KIF1B: variants seen among roughly 807,000 people sequenced by gnomAD.
The protein encoded by KIF1B is kinesin family member 1B, also known as kinesin-like protein KIF1B.
A neutral mutation model predicts 241.9 loss-of-function variants in KIF1B; 76 were observed. That is an observed-to-expected ratio of 0.31 (90% CI 0.26 to 0.38). The LOEUF is 0.38. KIF1B is among the 10% of genes least tolerant of loss of function. The pLI, the probability that KIF1B is intolerant of heterozygous loss-of-function variation, is 1.00. For synonymous variants in KIF1B, 750 were observed against 796.7 expected (o/e 0.94, Z 0.99); for missense variants, 1,622 against 2,271.4 (o/e 0.71, Z 5.81).
intron 12 of KIF1B, among the ~76,000 whole-genome samples, chr1:10,276,910 A>G (rs1383343319): frequency 7.2e-5 from 11 of 152,002 alleles, no homozygotes; most frequent in South Asian, 2.1e-4. Flanking sequence ...ATGAAACCCC[A>G]TCTCTACTAA....
chr1:10,361,972 G>T, intron 40 of KIF1B, 147 bp downstream of exon 40: 4 of 871,180 alleles, frequency 4.6e-6, no homozygotes, highest in Non-Finnish European at 5.7e-6. Context: ...GTACTGACTT[G>T]CATGCTGACA....
intron 45 of KIF1B, among the ~76,000 whole-genome samples, chr1:10,371,810 G>C (rs1638740298): frequency 6.6e-6 from 1 of 152,168 alleles, no homozygotes; most frequent in East Asian, 1.9e-4. Flanking sequence ...GTCTGTGCCT[G>C]TGGTCCCAGC....
intron 22 of KIF1B, chr1:10,304,957 G>C: frequency 8.9e-7 from 1 of 1,121,070 alleles, no homozygotes; most frequent in Non-Finnish European, 1.1e-6. Context: ...ATGTAAGTTT[G>C]TTATGTTTTT....
intron 22 of KIF1B, chr1:10,306,866 T>A: frequency 2.9e-6 from 3 of 1,039,852 alleles, no homozygotes; most frequent in Non-Finnish European, 3.5e-6. Context: ...TAACATAGGG[T>A]AGGTCCATAT....
intron 1 of KIF1B, among the ~76,000 whole-genome samples, chr1:10,221,128 C>T (rs1310495444): frequency 7.5e-5 from 9 of 120,038 alleles, no homozygotes; most frequent in African/African-American, 2.7e-4. Flanking sequence ...CATGGAGTCT[C>T]GCTCTGTCAC....
Position 10,304,264 on chromosome 1 carries a change from A to G in KIF1B, c.2115+7018A>G, listed in dbSNP as rs757799171. 5.0e-6 allele frequency: 8 copies of G among 1,614,108 alleles called. No individual in the cohort carries two copies. The Admixed American group carries it at 1.3e-4, about 27-fold the overall frequency. Reference sequence around the variant, plus strand: ...TCCATGGGGCTCTCAAGGAATGAGAAGTCAAGATCACATCCAAGTTAGCAA... The same window carrying G: ...TCCATGGGGCTCTCAAGGAATGAGAGGTCAAGATCACATCCAAGTTAGCAA... On this transcript the variant is annotated intron_variant, in intron 22 of 48. Transcript: ENST00000676179.
Position 10,377,526 on chromosome 1 carries a change from G to A in KIF1B, c.*939G>A, listed in dbSNP as rs1638920288. The A allele has an allele frequency of 8.8e-6, 2 of 226,724 alleles. No individual in the cohort carries two copies. Among genetic ancestry groups the A allele is most frequent in the Non-Finnish European group, 1.8e-5 (2 of 114,092 alleles). The allele number at this position is 226,724 out of a possible 1,614,324, so 14.0% of individuals were successfully genotyped here. A position where few individuals can be genotyped will look rare whatever the true frequency, so the allele number is the denominator to read the frequency against. On this transcript the variant is annotated 3_prime_UTR_variant, in exon 49 of 49. Transcript: ENST00000676179. ...CTAGGAGTGTCTCAGTTCTGCTTTT[G>A]GCATTAGTGATGGTGGTGGTACAGT...
intron 13 of KIF1B, chr1:10,278,755 C>A (rs570032328): frequency 8.1e-6 from 2 of 246,436 alleles, no homozygotes; most frequent in African/African-American, 4.5e-5. Flanking sequence ...TGTGCCTATC[C>A]AGTGGCTTAT....
At chr1:10,253,802 G>A (rs1407641927) in intron 2 of KIF1B, among the ~76,000 whole-genome samples, 1 of 152,176 alleles carries the variant, frequency 6.6e-6, no homozygotes, top group African/African-American at 2.4e-5. Context: ...GTTCCTTCTA[G>A]AACCATGTCT....
At chr1:10,227,964 C>T (rs899184833) in intron 1 of KIF1B, among the ~76,000 whole-genome samples, 35 of 151,964 alleles carry the variant, frequency 2.3e-4, no homozygotes, top group Middle Eastern at 3.2e-3. Context: ...GTGGGCGGAT[C>T]ATATGAGGTC....
intron 2 of KIF1B, among the ~76,000 whole-genome samples, chr1:10,235,690 G>T (rs1448180495): frequency 6.6e-6 from 1 of 151,776 alleles, no homozygotes; most frequent in Non-Finnish European, 1.5e-5. Context: ...ATGAAACCTC[G>T]TCTCTACTAA....
chr1:10,224,621 A>G (rs1646887790), intron 1 of KIF1B, among the ~76,000 whole-genome samples: 1 of 151,442 alleles, frequency 6.6e-6, no homozygotes. Flanking sequence ...AGAGTGTCTG[A>G]ATATGTTGCC....
In KIF1B at chr1:10,326,310, G is replaced by A. The variant is rs764910038; in HGVS notation, c.2875G>A (p.Gly959Arg). Residue 959 changes from glycine to arginine, a missense_variant, in exon 27 of 49, where the codon GGG becomes AGG. Coordinates refer to ENST00000676179, the MANE Select transcript of KIF1B (RefSeq NM_001365951.3). This position sits in a 1 kb window ranked among gnomAD's most constrained non-coding sequence, Gnocchi z 5.2. ...GGAGGGATCAGATCTCTTCAGTGAC[G>A]GGCATGACCCGTTTTACGACCGATC... ...TEEGSDLFSDGHDPFYDRSPW... is the reference protein window; with the variant it reads ...TEEGSDLFSDRHDPFYDRSPW... The A allele has an allele frequency of 2.5e-6, 4 of 1,614,132 alleles. No individual in the cohort carries two copies. Among genetic ancestry groups the A allele is most frequent in the East Asian group, 2.2e-5 (1 of 44,844 alleles).
At position 10,327,746 on chromosome 1, in the gene KIF1B, T is replaced by C. The variant is rs79626460; in HGVS notation, c.2924+1387T>C. 7.0e-3 allele frequency among the ~76,000 whole-genome samples: 1,066 copies of C among 152,318 alleles called. 6 individuals carry two copies. Among genetic ancestry groups the C allele is most frequent in the Non-Finnish European group, 0.011 (750 of 68,030 alleles). On this transcript the variant is annotated intron_variant, in intron 27 of 48. Coordinates refer to ENST00000676179, the MANE Select transcript of KIF1B (RefSeq NM_001365951.3). ...CATGCATTGAATTAACCAAAAAGTA[T>C]GTCCAGGTTTAAAAGTATTAAATTT...
chr1:10,374,332 T>G lies in KIF1B; in HGVS notation c.4963T>G (p.Ser1655Ala). ...ATTTTAAAGGACCCCAGAAGCCAAT[T>G]CCCGGGCCTCTAGTCCCTGCCCAGA... ...SLDQKTPEANSRASSPCPEFE... is the reference protein window; with the variant it reads ...SLDQKTPEANARASSPCPEFE... Residue 1655 changes from serine to alanine, a missense_variant, in exon 46 of 49, where the codon TCC becomes GCC. Ser to Ala is a moderately conservative substitution (Grantham distance 99). Around this residue, in one of 7 missense-constraint regions of KIF1B, gnomAD observed 357 missense variants for 409.0 expected, o/e 0.87. Transcript: ENST00000676179. This position sits in a 1 kb window ranked among gnomAD's most constrained non-coding sequence, Gnocchi z 4.3. 9.9e-6 allele frequency: 16 copies of G among 1,614,092 alleles called. No individual in the cohort carries two copies. Among genetic ancestry groups the G allele is most frequent in the Non-Finnish European group, 1.4e-5 (16 of 1,179,986 alleles).
chr1:10,312,841 T>C (rs572826022), intron 22 of KIF1B, among the ~76,000 whole-genome samples: 1 of 151,688 alleles, frequency 6.6e-6, no homozygotes, highest in African/African-American at 2.4e-5. Context: ...CTTTATCATC[T>C]CTGTCTCCTT....
At chr1:10,299,804 G>T (rs903680896) in intron 22 of KIF1B, among the ~76,000 whole-genome samples, 3 of 152,030 alleles carry the variant, frequency 2.0e-5, no homozygotes, top group Non-Finnish European at 4.4e-5. Context: ...CTTCTTATTT[G>T]CATAAGTTCC....
intron 17 of KIF1B, among the ~76,000 whole-genome samples, 194 bp from the exon 18 acceptor site, chr1:10,294,892 G>A (rs1024196393): frequency 6.6e-6 from 1 of 151,974 alleles, no homozygotes; most frequent in South Asian, 2.1e-4. Flanking sequence ...AAAATAGAAT[G>A]CACTTGGTTC....
In KIF1B at chr1:10,215,780, T is replaced by C. The variant is rs570796238; in HGVS notation, c.-80+4902T>C. ...ATTGCCCAGCCTGGTCTTGAACTCC[T>C]GAGCTCAAGTGATCCACCTCAGTCT... On this transcript the variant is annotated intron_variant, in intron 1 of 48. Coordinates refer to ENST00000676179, the MANE Select transcript of KIF1B (RefSeq NM_001365951.3). Among the ~76,000 whole-genome samples, 242 of 151,956 alleles carry C rather than the reference T, an allele frequency of 1.6e-3. 2 individuals are homozygous for C. Among genetic ancestry groups the C allele is most frequent in the African/African-American group, 5.5e-3 (227 of 41,478 alleles).
Sources: allele counts gnomAD v4.1 joint callset (sites outside exome capture counted in the v4.1 genomes callset), GRCh38; gene constraint gnomAD v4.1.1; regional missense constraint gnomAD v4.1.1; non-coding constraint Gnocchi (gnomAD v3.1); transcripts MANE v1.5; gene names NCBI Gene and HGNC (gene_info 2026-07-23, HGNC 2026-07-21).